Variants in CFTR observed in about 807,000 individuals in gnomAD.
CFTR encodes the protein cystic fibrosis transmembrane conductance regulator.
In CFTR, 181 loss-of-function variants were observed where a neutral mutation model predicts 171.6. The observed-to-expected ratio is 1.05, with a 90% confidence interval of 0.93 to 1.19. The LOEUF is 1.19. Ranked by LOEUF, CFTR falls within the 50% of genes most tolerant of loss-of-function variation. CFTR has a pLI of 0.00. For missense variants in CFTR, 1,968 were observed against 1,734.7 expected (o/e 1.13, Z -2.39); for synonymous variants, 583 against 608.0 (o/e 0.96, Z 0.60).
At chr7:117,556,815 G>A (rs1018466713) in intron 10 of CFTR, among the ~76,000 whole-genome samples, 1 of 151,658 alleles carries the variant, frequency 6.6e-6, no homozygotes, top group Non-Finnish European at 1.5e-5. Context: ...CACCGCGCCC[G>A]GCCTGTTTCA....
intron 11 of CFTR, among the ~76,000 whole-genome samples, chr7:117,577,719 G>T (rs1791792797): frequency 6.6e-6 from 1 of 152,092 alleles, no homozygotes; most frequent in African/African-American, 2.4e-5. Flanking sequence ...TGGACAATGT[G>T]GGGGTTAGGG....
At chr7:117,634,024 AT>A (rs1792790398) in intron 22 of CFTR, among the ~76,000 whole-genome samples, 1 of 152,090 alleles carries the variant, frequency 6.6e-6, no homozygotes, top group African/African-American at 2.4e-5. Flanking sequence ...GTTAGGGAGT[AT>A]TTCCTCTACT....
In CFTR at chr7:117,534,368, AT is replaced by A. The variant is rs745591601; in HGVS notation, c.579+4del. On this transcript the variant is annotated splice_donor_region_variant and intron_variant, in intron 5 of 26. Transcript: ENST00000003084. ...ACAACCTGAACAAATTTGATGAAGTATGTACCTATTGATTTAATCTTTTAGG... is the reference window on the plus strand; with the variant it reads ...ACAACCTGAACAAATTTGATGAAGTAGTACCTATTGATTTAATCTTTTAGG... The A allele has an allele frequency of 1.4e-6, 2 of 1,474,442 alleles. No homozygotes were observed. Among genetic ancestry groups the A allele is most frequent in the African/African-American group, 2.8e-5 (2 of 72,132 alleles). The allele number at this position is 1,474,442 out of a possible 1,614,324, so 91.3% of individuals were successfully genotyped here.
chr7:117,576,719 C>G (rs1040908375), intron 11 of CFTR, among the ~76,000 whole-genome samples: 3 of 152,202 alleles, frequency 2.0e-5, no homozygotes, highest in Admixed American at 6.6e-5. Context: ...ATCGGTAAGA[C>G]TGGGCAGAGG....
At position 117,627,551 on chromosome 7, in the gene CFTR, C is replaced by A; in HGVS notation, c.3498C>A (p.Phe1166Leu). The A allele has an allele frequency of 6.2e-7, 1 of 1,613,172 alleles. No individual in the cohort carries two copies. Among genetic ancestry groups the A allele is most frequent in the Non-Finnish European group, 8.5e-7 (1 of 1,179,428 alleles). The change falls in exon 22 of 27, where the codon TTC becomes TTA. Residue 1166 changes from phenylalanine (F) to leucine (L), a missense_variant. Transcript: ENST00000003084. ...GATCTGTGAGCCGAGTCTTTAAGTT[C>A]ATTGACATGCCAACAGAAGGTAAAC... ...LMRSVSRVFK[F>L]IDMPTEGKPT...
intron 1 of CFTR, among the ~76,000 whole-genome samples, chr7:117,499,981 G>T (rs557632177): frequency 6.6e-6 from 1 of 152,136 alleles, no homozygotes; most frequent in African/African-American, 2.4e-5. Context: ...CCAAGTGAAA[G>T]GCAGAGCCGA....
chr7:117,648,518 A>G (rs1793032353), intron 23 of CFTR, among the ~76,000 whole-genome samples: 1 of 152,122 alleles, frequency 6.6e-6, no homozygotes, highest in South Asian at 2.1e-4. Flanking sequence ...CATTAAATAA[A>G]TATCAGATAT....
At chr7:117,545,138 C>T (rs1354051074) in intron 9 of CFTR, among the ~76,000 whole-genome samples, 1 of 152,234 alleles carries the variant, frequency 6.6e-6, no homozygotes, top group African/African-American at 2.4e-5. Context: ...AGGCATGTCT[C>T]ACATGGAGGC....
At chr7:117,586,928 C>G (rs1791944070) in intron 11 of CFTR, among the ~76,000 whole-genome samples, 1 of 152,070 alleles carries the variant, frequency 6.6e-6, no homozygotes, top group Admixed American at 6.6e-5. Context: ...TAATTGTGAA[C>G]TGTTTTATAA....
rs369521395 is a variant in CFTR, at chr7:117,603,597, C to A, written c.2723C>A (p.Thr908Asn). The A allele has an allele frequency of 2.4e-5, 38 of 1,613,836 alleles. No individual in the cohort carries two copies. The highest frequency in any genetic ancestry group is 2.9e-5 in the Non-Finnish European group (34 of 1,179,858). The change falls in exon 17 of 27, where the codon ACC becomes AAC. Residue 908 changes from threonine to asparagine, a missense_variant. Transcript: ENST00000003084. ...SRNNSYAVII[T>N]STSSYYVFYI... is the part of the protein sequence containing the mutation. ...AATAACAGCTATGCAGTGATTATCACCAGCACCAGTTCGTATTATGTGTTT... is the reference window on the plus strand; with the variant it reads ...AATAACAGCTATGCAGTGATTATCAACAGCACCAGTTCGTATTATGTGTTT...
At chr7:117,583,788 C>T (rs1019004396) in intron 11 of CFTR, among the ~76,000 whole-genome samples, 6 of 152,068 alleles carry the variant, frequency 3.9e-5, no homozygotes, top group African/African-American at 9.7e-5. Context: ...TACAACCCCA[C>T]CAGCAGTGTA....
chr7:117,535,961 G>C (rs562604092), intron 6 of CFTR, among the ~76,000 whole-genome samples: 19 of 152,162 alleles, frequency 1.2e-4, no homozygotes, highest in Non-Finnish European at 2.5e-4. Flanking sequence ...TATAAAACAG[G>C]TAAAAAAGGA....
intron 6 of CFTR, 46 bp downstream of exon 6, chr7:117,535,457 T>C: frequency 6.3e-7 from 1 of 1,580,462 alleles, no homozygotes. Context: ...AATTATGTTT[T>C]CAAAAAGCCC....
chr7:117,583,262 G>C (rs1326066902), intron 11 of CFTR, among the ~76,000 whole-genome samples: 1 of 151,922 alleles, frequency 6.6e-6, no homozygotes, highest in African/African-American at 2.4e-5. Context: ...CTGAGATTTT[G>C]ATATACCCAT....
At chr7:117,543,087 T>A (rs1562893254) in intron 9 of CFTR, among the ~76,000 whole-genome samples, 1 of 152,228 alleles carries the variant, frequency 6.6e-6, no homozygotes, top group East Asian at 1.9e-4. Flanking sequence ...AATATTTGAT[T>A]ATTGAGCACA....
intron 7 of CFTR, among the ~76,000 whole-genome samples, chr7:117,537,689 G>A (rs1408598615): frequency 2.6e-5 from 4 of 152,142 alleles, no homozygotes; most frequent in Non-Finnish European, 4.4e-5. Flanking sequence ...AATAGAAAAA[G>A]AGTATTTATT....
intron 3 of CFTR, among the ~76,000 whole-genome samples, chr7:117,516,820 C>A (rs1318879544): frequency 6.6e-6 from 1 of 152,126 alleles, no homozygotes; most frequent in Non-Finnish European, 1.5e-5. Context: ...AATCCAATGA[C>A]ACTCTTTAAG....
At chr7:117,486,883 G>A (rs1301346330) in intron 1 of CFTR, among the ~76,000 whole-genome samples, 2 of 139,030 alleles carry the variant, frequency 1.4e-5, no homozygotes. Context: ...GTGGGGTGGG[G>A]GGGAGGGGGC....
chr7:117,483,491 C>T (rs1798028243), intron 1 of CFTR, among the ~76,000 whole-genome samples: 1 of 152,010 alleles, frequency 6.6e-6, no homozygotes, highest in South Asian at 2.1e-4. Context: ...TTGTTAACAG[C>T]CAAGTGCTAC....
Sources: gnomAD v4.1 joint callset for allele counts (sites outside exome capture counted in the v4.1 genomes callset) on GRCh38, gnomAD v4.1.1 for gene constraint, MANE v1.5 for transcripts, NCBI Gene and HGNC (gene_info 2026-07-23, HGNC 2026-07-21) for gene names.